Variants in TRAPPC9 observed in about 807,000 individuals in gnomAD.
The protein encoded by TRAPPC9 is trafficking protein particle complex subunit 9.
A neutral mutation model predicts 124.0 loss-of-function variants in TRAPPC9; 83 were observed. That is an observed-to-expected ratio of 0.67 (90% CI 0.56 to 0.80). The LOEUF (loss-of-function observed/expected upper bound fraction) is 0.80, where lower values mean the gene tolerates loss of function less well. Among genes scored for constraint, TRAPPC9 ranks in the 30% least tolerant of loss-of-function variants. The probability of loss-of-function intolerance (pLI) is 0.00; values close to 1 mark genes in which losing one functional copy is unlikely to be tolerated. For synonymous variants in TRAPPC9, 638 were observed against 617.5 expected (o/e 1.03, Z -0.49); for missense variants, 1,302 against 1,508.3 (o/e 0.86, Z 2.27).
At chr8:140,214,921 C>T (rs1479110719) in intron 17 of TRAPPC9, among the ~76,000 whole-genome samples, 2 of 152,144 alleles carry the variant, frequency 1.3e-5, no homozygotes, top group African/African-American at 4.8e-5. Context: ...CACCATTCCT[C>T]GGTGATAGTT....
intron 21 of TRAPPC9, among the ~76,000 whole-genome samples, chr8:139,830,151 G>A (rs1057139815): frequency 1.8e-4 from 27 of 152,262 alleles, no homozygotes; most frequent in Admixed American, 1.6e-3. Context: ...ACGCAAGCAA[G>A]GGAAGGAGCC....
chr8:139,948,200 CA>C (rs1834389271), intron 19 of TRAPPC9, among the ~76,000 whole-genome samples: 1 of 150,730 alleles, frequency 6.6e-6, no homozygotes, highest in Non-Finnish European at 1.5e-5. Flanking sequence ...TAGAAGCGAA[CA>C]AAACGAAGAG....
At chr8:140,037,465 C>T (rs1840967683) in intron 17 of TRAPPC9, among the ~76,000 whole-genome samples, 1 of 152,078 alleles carries the variant, frequency 6.6e-6, no homozygotes, top group East Asian at 1.9e-4. Flanking sequence ...TTCAGATAAA[C>T]CATCACTGGC....
chr8:140,229,090 A>G (rs1297330585), intron 16 of TRAPPC9, among the ~76,000 whole-genome samples: 1 of 152,040 alleles, frequency 6.6e-6, no homozygotes, highest in African/African-American at 2.4e-5. Context: ...TACCACCAAC[A>G]CGTTCTCACT....
chr8:140,165,171 C>T (rs188876090), intron 17 of TRAPPC9, among the ~76,000 whole-genome samples: 1 of 152,124 alleles, frequency 6.6e-6, no homozygotes, highest in African/African-American at 2.4e-5. Context: ...AATGAAACCC[C>T]GTCTCTACTA....
intron 17 of TRAPPC9, among the ~76,000 whole-genome samples, chr8:140,044,282 AAAAAAAG>A (rs1280354995): frequency 7.9e-5 from 12 of 151,084 alleles, no homozygotes; most frequent in East Asian, 1.9e-4. Context: ...CCAAAAAAAA[AAAAAAAG>A]AAAAATCACA....
chr8:139,779,419 G>T (rs911863467), intron 21 of TRAPPC9, among the ~76,000 whole-genome samples: 17 of 152,104 alleles, frequency 1.1e-4, no homozygotes, highest in Non-Finnish European at 2.2e-4. Context: ...TTAATAAAAA[G>T]AAATGAAGGC....
chr8:139,757,567 G>C (rs367904080), intron 21 of TRAPPC9, among the ~76,000 whole-genome samples: 1 of 152,002 alleles, frequency 6.6e-6, no homozygotes, highest in Non-Finnish European at 1.5e-5. Context: ...AGGGGGCGTG[G>C]GTATTAGGAT....
At chr8:140,217,603 A>T (rs2063226254) in intron 17 of TRAPPC9, among the ~76,000 whole-genome samples, 1 of 122,298 alleles carries the variant, frequency 8.2e-6, no homozygotes, top group Non-Finnish European at 2.1e-5. Flanking sequence ...CAGTTTACAG[A>T]CACATGTAAA....
intron 17 of TRAPPC9, among the ~76,000 whole-genome samples, chr8:140,089,526 C>G (rs1406993934): frequency 6.6e-6 from 1 of 152,168 alleles, no homozygotes; most frequent in Non-Finnish European, 1.5e-5. Context: ...CACTAATGGG[C>G]TTGGATACCA....
chr8:140,259,226 G>A (rs1218530789), intron 15 of TRAPPC9, among the ~76,000 whole-genome samples: 1 of 152,174 alleles, frequency 6.6e-6, no homozygotes, highest in Non-Finnish European at 1.5e-5. Flanking sequence ...CCCAAATACA[G>A]AAACTCTATG....
chr8:140,106,650 G>A (rs2060671688), intron 17 of TRAPPC9, among the ~76,000 whole-genome samples: 1 of 152,196 alleles, frequency 6.6e-6, no homozygotes, highest in Non-Finnish European at 1.5e-5. Flanking sequence ...AAGAGAAACA[G>A]ACTGCAAGTC....
intron 17 of TRAPPC9, among the ~76,000 whole-genome samples, chr8:140,220,742 C>T (rs756441905): frequency 2.6e-5 from 4 of 152,230 alleles, no homozygotes; most frequent in Non-Finnish European, 5.9e-5. Context: ...CCTAACCAGT[C>T]CCTGCCCTCT....
intron 9 of TRAPPC9, among the ~76,000 whole-genome samples, chr8:140,333,942 G>T (rs2066964837): frequency 6.6e-6 from 1 of 152,146 alleles, no homozygotes; most frequent in Non-Finnish European, 1.5e-5. Context: ...ATTTAATGAG[G>T]TCTTACTACA....
intron 16 of TRAPPC9, among the ~76,000 whole-genome samples, chr8:140,236,693 T>C (rs1189305154): frequency 6.6e-6 from 1 of 152,236 alleles, no homozygotes; most frequent in Non-Finnish European, 1.5e-5. Flanking sequence ...CTGTGGGACC[T>C]TTATAGAGAA....
rs1239433033 is a variant in TRAPPC9, at chr8:140,090,465, C to T, written c.2557-66386G>A. 5.3e-5 allele frequency among the ~76,000 whole-genome samples: 8 copies of T among 152,358 alleles called. No homozygotes were observed. In the East Asian group the frequency reaches 1.5e-3, roughly 29 times the overall value. ...TTTCATTTCTTCACCTGACATTAAA[C>T]AGCTTATACTCTTAAAAAATAACCT... On this transcript the variant is annotated intron_variant, in intron 17 of 22. Transcript: ENST00000438773.
At chr8:140,458,510 C>A (rs866700138), upstream of TRAPPC9, 26 of 1,582,942 alleles carry the variant, frequency 1.6e-5, 2 homozygotes, top group Middle Eastern at 4.3e-3. Flanking sequence ...CGAGCCCCAG[C>A]CTGGGCCGGC....
intron 17 of TRAPPC9, among the ~76,000 whole-genome samples, chr8:140,207,222 A>G (rs982582761): frequency 2.6e-5 from 4 of 152,222 alleles, no homozygotes; most frequent in Non-Finnish European, 4.4e-5. Flanking sequence ...ACTCTAACAA[A>G]GCGGGTAAAA....
At chr8:139,845,600 C>T (rs535900435) in intron 21 of TRAPPC9, among the ~76,000 whole-genome samples, 32 of 152,246 alleles carry the variant, frequency 2.1e-4, no homozygotes, top group Non-Finnish European at 4.0e-4. Flanking sequence ...CTCCTTACAC[C>T]GGGGAGGGAG....
Sources: gnomAD v4.1 joint callset for allele counts (sites outside exome capture counted in the v4.1 genomes callset) on GRCh38, gnomAD v4.1.1 for gene constraint, MANE v1.5 for transcripts, NCBI Gene and HGNC (gene_info 2026-07-23, HGNC 2026-07-21) for gene names.